The following EFNA5 variants were observed in gnomAD, a reference collection of about 807,000 sequenced individuals.
EFNA5 encodes the protein ephrin-A5.
A neutral mutation model predicts 22.9 loss-of-function variants in EFNA5; 5 were observed. The observed-to-expected ratio is 0.22, with a 90% CI of 0.11 to 0.46. The LOEUF (loss-of-function observed/expected upper bound fraction) is 0.46. EFNA5 is among the 20% of genes least tolerant of loss of function. The probability of loss-of-function intolerance (pLI) is 0.99; values close to 1 mark genes in which losing one functional copy is unlikely to be tolerated. For missense variants in EFNA5, 237 were observed against 293.3 expected, an observed-to-expected ratio of 0.81 and a Z score of 1.40; for synonymous variants, 113 against 112.2, an observed-to-expected ratio of 1.01 and a Z score of -0.04.
At chr5:107,521,476 AT>A (rs1224759732) in intron 1 of EFNA5, among the ~76,000 whole-genome samples, 1,918 of 58,256 alleles carry the variant, frequency 0.033, 20 homozygotes, top group African/African-American at 0.04. Context: ...ATATATATAT[AT>A]TTTTTTTTTT....
At chr5:107,513,475 T>C (rs934679554) in intron 1 of EFNA5, among the ~76,000 whole-genome samples, 3 of 152,296 alleles carry the variant, frequency 2.0e-5, no homozygotes, top group East Asian at 1.9e-4. Context: ...AGTGTCTCAC[T>C]TGTGTAGCAA....
chr5:107,642,113 T>C (rs1715053408), intron 1 of EFNA5, among the ~76,000 whole-genome samples: 1 of 152,192 alleles, frequency 6.6e-6, no homozygotes, highest in South Asian at 2.1e-4. Flanking sequence ...AAAATCATAA[T>C]CAATCTTATT....
intron 1 of EFNA5, among the ~76,000 whole-genome samples, chr5:107,609,040 C>T (rs1219999621): frequency 1.3e-5 from 2 of 152,210 alleles, no homozygotes; most frequent in Admixed American, 6.5e-5. Flanking sequence ...TCCTGCAAAA[C>T]ATGGGCCTTG....
chr5:107,405,369 C>T (rs994678861), intron 2 of EFNA5, among the ~76,000 whole-genome samples: 1 of 152,206 alleles, frequency 6.6e-6, no homozygotes, highest in Non-Finnish European at 1.5e-5. Context: ...AAGGGACCTC[C>T]CCATTTACAT....
chr5:107,583,242 G>C (rs1215813647), intron 1 of EFNA5, among the ~76,000 whole-genome samples: 2 of 152,080 alleles, frequency 1.3e-5, no homozygotes, highest in Non-Finnish European at 2.9e-5. Context: ...CTAAAAAATA[G>C]AGCATCCTAA....
intron 1 of EFNA5, among the ~76,000 whole-genome samples, chr5:107,660,276 AT>A (rs1561462877): frequency 0.021 from 1,171 of 56,474 alleles, 30 homozygotes; most frequent in Non-Finnish European, 0.029. Flanking sequence ...ATATATATAT[AT>A]ATATATATAT....
At chr5:107,549,448 T>C (rs1748237311) in intron 1 of EFNA5, among the ~76,000 whole-genome samples, 1 of 152,226 alleles carries the variant, frequency 6.6e-6, no homozygotes, top group African/African-American at 2.4e-5. Context: ...TAGTTTACCA[T>C]ACTCATATTG....
At chr5:107,528,416 TCTA>T (rs1258712050) in intron 1 of EFNA5, among the ~76,000 whole-genome samples, 2 of 152,166 alleles carry the variant, frequency 1.3e-5, no homozygotes, top group African/African-American at 2.4e-5. Flanking sequence ...ACTCAGAATA[TCTA>T]CTAAGTGCAC....
At chr5:107,453,821 G>C (rs981084867) in intron 1 of EFNA5, among the ~76,000 whole-genome samples, 4 of 152,084 alleles carry the variant, frequency 2.6e-5, no homozygotes, top group African/African-American at 9.7e-5. Context: ...TGATGCTAAG[G>C]GCCACAAGCA....
intron 1 of EFNA5, among the ~76,000 whole-genome samples, chr5:107,464,965 C>A (rs1013641429): frequency 6.6e-6 from 1 of 152,104 alleles, no homozygotes; most frequent in African/African-American, 2.4e-5. Context: ...CTCCTTTTCT[C>A]TCTCTCTTTT....
At chr5:107,550,644 C>T (rs1748274701) in intron 1 of EFNA5, among the ~76,000 whole-genome samples, 1 of 152,124 alleles carries the variant, frequency 6.6e-6, no homozygotes, top group African/African-American at 2.4e-5. Flanking sequence ...AATGTATGCA[C>T]TTTAGTAGAC....
intron 1 of EFNA5, among the ~76,000 whole-genome samples, chr5:107,487,283 G>A (rs986038763): frequency 6.6e-6 from 1 of 152,248 alleles, no homozygotes; most frequent in Non-Finnish European, 1.5e-5. Flanking sequence ...CACTTCCTCT[G>A]TGAGGCCTTC....
chr5:107,464,502 C>T (rs114752172), intron 1 of EFNA5, among the ~76,000 whole-genome samples: 36 of 152,218 alleles, frequency 2.4e-4, no homozygotes, highest in Middle Eastern at 3.4e-3. Flanking sequence ...CTTAATTTTC[C>T]GGAGAAACAA....
intron 2 of EFNA5, among the ~76,000 whole-genome samples, chr5:107,388,236 C>G (rs1747689777): frequency 6.6e-6 from 1 of 152,130 alleles, no homozygotes. Flanking sequence ...TAAACGTGAC[C>G]TATTTCTGCT....
intron 1 of EFNA5, among the ~76,000 whole-genome samples, chr5:107,439,531 AAAGG>A (rs2112434209): frequency 6.6e-6 from 1 of 152,288 alleles, no homozygotes; most frequent in African/African-American, 2.4e-5. Flanking sequence ...AAATGGCCAG[AAAGG>A]AAGGGAGCAA....
At chr5:107,445,107 C>T (rs1331390255) in intron 1 of EFNA5, among the ~76,000 whole-genome samples, 1 of 151,978 alleles carries the variant, frequency 6.6e-6, no homozygotes, top group African/African-American at 2.4e-5. Flanking sequence ...ACTGCAACCT[C>T]CACCTCCTGA....
intron 1 of EFNA5, among the ~76,000 whole-genome samples, chr5:107,461,823 A>T (rs1350787878): frequency 6.6e-6 from 1 of 152,038 alleles, no homozygotes; most frequent in African/African-American, 2.4e-5. Context: ...TTTTTTTTTA[A>T]AAAAAGCATC....
intron 2 of EFNA5, among the ~76,000 whole-genome samples, chr5:107,393,582 G>T (rs1289889113): frequency 6.6e-6 from 1 of 152,188 alleles, no homozygotes; most frequent in African/African-American, 2.4e-5. Flanking sequence ...AAATGAGTGT[G>T]TGGGGGAGCG....
At chr5:107,530,470 A>G (rs962510725) in intron 1 of EFNA5, among the ~76,000 whole-genome samples, 3 of 152,246 alleles carry the variant, frequency 2.0e-5, no homozygotes, top group Non-Finnish European at 4.4e-5. Context: ...CCAAAGAGCT[A>G]CCACAAATAG....
Sources: gnomAD v4.1 joint callset for allele counts (sites outside exome capture counted in the v4.1 genomes callset) on GRCh38, gnomAD v4.1.1 for gene constraint, MANE v1.5 for transcripts, NCBI Gene and HGNC (gene_info 2026-07-23, HGNC 2026-07-21) for gene names.